Variants in SUSD4 observed in about 807,000 individuals in gnomAD.
SUSD4 encodes sushi domain-containing protein 4.
SUSD4 carries 41 observed loss-of-function variants against 50.5 expected under a neutral mutation model. The ratio of observed to expected loss-of-function variants is 0.81; its 90% CI spans 0.63 to 1.05. The LOEUF (loss-of-function observed/expected upper bound fraction) is 1.05. Ranked by LOEUF, SUSD4 falls within the 50% of genes least tolerant of loss-of-function variation. The pLI is 0.00. For synonymous variants in SUSD4, 257 were observed against 257.3 expected (o/e 1.00, Z 0.01); for missense variants, 580 against 634.7 (o/e 0.91, Z 0.93).
chr1:223,280,291 CAA>C (rs1015398632), intron 3 of SUSD4, among the ~76,000 whole-genome samples: 1 of 152,096 alleles, frequency 6.6e-6, no homozygotes, highest in Non-Finnish European at 1.5e-5. Context: ...CACAGACTGG[CAA>C]ATTGGATAAA....
At chr1:223,304,846 A>C (rs1479545596) in intron 2 of SUSD4, among the ~76,000 whole-genome samples, 2 of 84,984 alleles carry the variant, frequency 2.4e-5, no homozygotes, top group East Asian at 3.5e-4. Context: ...ATATATATAT[A>C]TATATATATA....
At chr1:223,238,731 A>C (rs1315159017) in intron 5 of SUSD4, among the ~76,000 whole-genome samples, 1 of 151,954 alleles carries the variant, frequency 6.6e-6, no homozygotes, top group Non-Finnish European at 1.5e-5. Flanking sequence ...AAATTTGTTA[A>C]GGTGTGTTTT....
At chr1:223,291,970 T>C (rs1374653397) in intron 3 of SUSD4, among the ~76,000 whole-genome samples, 1 of 152,244 alleles carries the variant, frequency 6.6e-6, no homozygotes, top group African/African-American at 2.4e-5. Flanking sequence ...CTGTCACTGC[T>C]TGTCACAGTT....
At chr1:223,311,171 G>A (rs1422456725) in intron 2 of SUSD4, among the ~76,000 whole-genome samples, 4 of 152,226 alleles carry the variant, frequency 2.6e-5, no homozygotes, top group Non-Finnish European at 4.4e-5. Flanking sequence ...AAAAGCAGTC[G>A]TCTGTTCAGG....
intron 2 of SUSD4, among the ~76,000 whole-genome samples, chr1:223,343,455 GA>G (rs1481471147): frequency 1.3e-5 from 2 of 152,090 alleles, no homozygotes; most frequent in African/African-American, 4.8e-5. Context: ...GCACGATGGT[GA>G]AAAAAATTAT....
rs972117293 is a variant in SUSD4, at chr1:223,362,951, C to CA, written c.148+326_148+327insT. Among the ~76,000 whole-genome samples the CA allele has an allele frequency of 2.1e-5, 3 of 142,758 alleles. 1 individual carries two copies. Among genetic ancestry groups the CA allele is most frequent in the Admixed American group, 2.1e-4 (3 of 14,558 alleles). 93.7% of individuals were successfully genotyped at this position (142,758 alleles called of 152,430 possible). On this transcript the variant is annotated intron_variant, in intron 2 of 8. Coordinates refer to ENST00000366878, the MANE Select transcript of SUSD4 (RefSeq NM_017982.4). ...TGCCCCCACCCCCCACCCCTCCCCC[C>CA]CCCGCCCCCGCTTCCTTGGCCAAAG...
At chr1:223,342,738 C>T (rs73124203) in intron 2 of SUSD4, among the ~76,000 whole-genome samples, 9,718 of 152,150 alleles carry the variant, frequency 0.064, 1,009 homozygotes, top group African/African-American at 0.22. Flanking sequence ...TTTCCCAGCA[C>T]GCAAATTGAC....
intron 2 of SUSD4, among the ~76,000 whole-genome samples, chr1:223,342,296 T>C (rs1328731477): frequency 6.6e-6 from 1 of 152,200 alleles, no homozygotes; most frequent in African/African-American, 2.4e-5. Flanking sequence ...ATGTTCTTTC[T>C]ACCCAGGAAC....
chr1:223,359,175 T>C (rs1030935940), intron 2 of SUSD4: 9 of 470,536 alleles, frequency 1.9e-5, no homozygotes, highest in African/African-American at 6.0e-5. Flanking sequence ...TTGCTCCTGC[T>C]CTCCACCCTT....
intron 2 of SUSD4, among the ~76,000 whole-genome samples, chr1:223,349,926 G>A (rs1370591284): frequency 6.6e-6 from 1 of 152,156 alleles, no homozygotes; most frequent in Admixed American, 6.5e-5. Flanking sequence ...TTGGAGATAG[G>A]GCCTTTAAGA....
rs116237191 is a variant in SUSD4, at chr1:223,254,838, G to A, written c.724+9792C>T. 3.8e-3 allele frequency among the ~76,000 whole-genome samples: 580 copies of A among 152,288 alleles called. 4 individuals carry two copies. The highest frequency in any genetic ancestry group is 0.013 in the African/African-American group (550 of 41,568). ...GAGAAAATTAAGCACAGTGATCCTT[G>A]AGAATGCTGTATGGCATGCAAGCAG... On this transcript the variant is annotated intron_variant, in intron 5 of 8. Coordinates refer to ENST00000366878, the MANE Select transcript of SUSD4 (RefSeq NM_017982.4).
chr1:223,228,229 C>G, intron 6 of SUSD4, among the ~76,000 whole-genome samples: 1 of 152,204 alleles, frequency 6.6e-6, no homozygotes, highest in East Asian at 1.9e-4. Flanking sequence ...CCATCAACTG[C>G]CTGCCAGGTC....
chr1:223,285,852 C>A (rs778588000), intron 3 of SUSD4, among the ~76,000 whole-genome samples: 1 of 152,130 alleles, frequency 6.6e-6, no homozygotes, highest in Middle Eastern at 3.4e-3. Context: ...GGGTGGAGAG[C>A]GGGAGAGAGG....
At chr1:223,357,858 C>T (rs558909836) in intron 2 of SUSD4, among the ~76,000 whole-genome samples, 1 of 152,306 alleles carries the variant, frequency 6.6e-6, no homozygotes, top group East Asian at 1.9e-4. Flanking sequence ...TTTGGTGAAG[C>T]AGGACCATAT....
chr1:223,303,401 C>T (rs887170710), intron 2 of SUSD4, among the ~76,000 whole-genome samples: 6 of 152,212 alleles, frequency 3.9e-5, no homozygotes, highest in African/African-American at 1.4e-4. Context: ...AGCGGACAGG[C>T]ATTCATTCAA....
At chr1:223,359,589 G>T (rs1413740250) in intron 2 of SUSD4, among the ~76,000 whole-genome samples, 1 of 152,142 alleles carries the variant, frequency 6.6e-6, no homozygotes, top group Non-Finnish European at 1.5e-5. Flanking sequence ...GCAGTAATTT[G>T]GGAATCTTTT....
chr1:223,237,978 T>A (rs1660333634), intron 5 of SUSD4, among the ~76,000 whole-genome samples: 1 of 152,014 alleles, frequency 6.6e-6, no homozygotes, highest in African/African-American at 2.4e-5. Context: ...CTGGGCCTAG[T>A]GCTTTCTGTT....
intron 2 of SUSD4, among the ~76,000 whole-genome samples, chr1:223,329,278 T>C (rs1667046062): frequency 6.6e-6 from 1 of 152,214 alleles, no homozygotes; most frequent in African/African-American, 2.4e-5. Context: ...ATGGCCTTCA[T>C]TTCTACTCAA....
chr1:223,310,028 T>C (rs1191699102), intron 2 of SUSD4, among the ~76,000 whole-genome samples: 3 of 152,140 alleles, frequency 2.0e-5, no homozygotes, highest in Non-Finnish European at 4.4e-5. Flanking sequence ...GATGGCCCAT[T>C]GGTGATAAGC....
Sources: gnomAD v4.1 joint callset for allele counts (sites outside exome capture counted in the v4.1 genomes callset) on GRCh38, gnomAD v4.1.1 for gene constraint, MANE v1.5 for transcripts, NCBI Gene and HGNC (gene_info 2026-07-23, HGNC 2026-07-21) for gene names.